The following ADGRL2 variants were observed in gnomAD, a reference collection of about 807,000 sequenced individuals.
The protein encoded by ADGRL2 is adhesion G protein-coupled receptor L2.
A neutral mutation model predicts 157.4 loss-of-function variants in ADGRL2; 44 were observed. That is an observed-to-expected ratio of 0.28 (90% CI 0.22 to 0.36). The LOEUF is 0.36. ADGRL2 is among the 10% of genes least tolerant of loss of function. ADGRL2 has a pLI of 1.00. For synonymous variants in ADGRL2, 585 were observed against 624.7 expected (o/e 0.94, Z 0.95); for missense variants, 1,510 against 1,768.9 (o/e 0.85, Z 2.63).
chr1:81,427,245 G>C, intron 1 of ADGRL2: 1 of 760,072 alleles, frequency 1.3e-6, no homozygotes, highest in Non-Finnish European at 2.4e-6. Flanking sequence ...GGAGGTGGTG[G>C]CAGCGGAAAT....
chr1:81,352,055 C>G (rs1461132054), intron 1 of ADGRL2, among the ~76,000 whole-genome samples: 1 of 152,204 alleles, frequency 6.6e-6, no homozygotes, highest in African/African-American at 2.4e-5. Context: ...AAAGGCACAG[C>G]CTCAATAGGT....
intron 6 of ADGRL2, among the ~76,000 whole-genome samples, chr1:81,946,975 A>G (rs987218339): frequency 2.0e-5 from 3 of 152,176 alleles, no homozygotes; most frequent in African/African-American, 7.2e-5. Context: ...TTCTTAGTAC[A>G]TAACCAGAGT....
chr1:81,695,775 A>G (rs2083430178), upstream of ADGRL2, among the ~76,000 whole-genome samples: 1 of 150,908 alleles, frequency 6.6e-6, no homozygotes, highest in Admixed American at 6.6e-5. Context: ...GAGCCGAGAG[A>G]TTATGCCACT....
At chr1:81,711,733 T>C (rs2083937023) in intron 1 of ADGRL2, among the ~76,000 whole-genome samples, 1 of 152,196 alleles carries the variant, frequency 6.6e-6, no homozygotes, top group Non-Finnish European at 1.5e-5. Context: ...TCATTGCAAA[T>C]GTCAACAGAG....
chr1:81,369,787 A>G lies in ADGRL2; in HGVS notation c.-302+63278A>G, dbSNP rs910133352. Among the ~76,000 whole-genome samples the G allele has an allele frequency of 4.6e-5, 7 of 152,208 alleles. No individual in the cohort carries two copies. The East Asian group carries it at 9.6e-4, about 21-fold the overall frequency. ...CAAGGCATCATTGAATTTGAGCATT[A>G]ATTTGCATGAAGCACTTGTAATCGT... On this transcript the variant is annotated intron_variant, in intron 1 of 24. Coordinates refer to the ADGRL2 transcript ENST00000370721.
chr1:81,784,099 T>A (rs937503922), intron 2 of ADGRL2, among the ~76,000 whole-genome samples: 1 of 152,226 alleles, frequency 6.6e-6, no homozygotes, highest in Non-Finnish European at 1.5e-5. Flanking sequence ...TCTAAGCTTT[T>A]AAGTTATGTT....
chr1:81,853,482 T>C (rs2093090491), intron 2 of ADGRL2, among the ~76,000 whole-genome samples: 1 of 152,226 alleles, frequency 6.6e-6, no homozygotes, highest in South Asian at 2.1e-4. Context: ...TGCTTGTCAG[T>C]AGTTTGTTGG....
At chr1:81,911,937 G>A (rs1271291325) in intron 3 of ADGRL2, among the ~76,000 whole-genome samples, 4 of 146,958 alleles carry the variant, frequency 2.7e-5, no homozygotes, top group African/African-American at 1.0e-4. Context: ...GTAAGGTTAT[G>A]GCCTAGATTT....
At chr1:81,916,396 G>T (rs1455161203) in intron 3 of ADGRL2, among the ~76,000 whole-genome samples, 1 of 152,082 alleles carries the variant, frequency 6.6e-6, no homozygotes, top group African/African-American at 2.4e-5. Context: ...AGTTACAGTT[G>T]TAAAAAATAG....
chr1:81,488,504 C>A (rs181978753), intron 2 of ADGRL2, among the ~76,000 whole-genome samples: 1 of 149,086 alleles, frequency 6.7e-6, no homozygotes, highest in Non-Finnish European at 1.5e-5. Flanking sequence ...GTTTTGAAAC[C>A]AGCCTGTGCA....
chr1:81,784,635 C>T (rs575199415), intron 2 of ADGRL2, among the ~76,000 whole-genome samples: 10 of 149,482 alleles, frequency 6.7e-5, no homozygotes, highest in South Asian at 2.1e-4. Flanking sequence ...GGCTGAGGCA[C>T]GAGAATCACT....
At chr1:81,732,255 A>C (rs920409864) in intron 1 of ADGRL2, among the ~76,000 whole-genome samples, 1 of 152,222 alleles carries the variant, frequency 6.6e-6, no homozygotes, top group Non-Finnish European at 1.5e-5. Flanking sequence ...GTATTGCTGT[A>C]AAATCTCTAG....
At chr1:81,493,186 T>C (rs1271792909) in intron 2 of ADGRL2, among the ~76,000 whole-genome samples, 1 of 152,160 alleles carries the variant, frequency 6.6e-6, no homozygotes, top group Non-Finnish European at 1.5e-5. Flanking sequence ...AAAGAAATTA[T>C]CAAACAAATG....
intron 2 of ADGRL2, among the ~76,000 whole-genome samples, chr1:81,455,617 T>A (rs934082051): frequency 6.6e-6 from 1 of 152,200 alleles, no homozygotes; most frequent in Non-Finnish European, 1.5e-5. Context: ...GTTTTTTATT[T>A]TCTCCCTGTA....
Position 81,950,496 on chromosome 1 carries a change from A to G in ADGRL2, c.1504+14A>G, listed in dbSNP as rs757413125. 5.0e-6 allele frequency: 8 copies of G among 1,603,148 alleles called. No individual in the cohort carries two copies. The African/African-American group carries it at 9.4e-5, about 19-fold the overall frequency. On this transcript the variant is annotated intron_variant, in intron 7 of 23. Coordinates refer to ENST00000686636, the MANE Select transcript of ADGRL2 (RefSeq NM_001366006.2). ...AGGGAACAAGAGGTATTTTCTATAA[A>G]CTACCATGCATACATTTTTCAATTT...
chr1:81,326,832 A>G (rs529417862), intron 1 of ADGRL2, among the ~76,000 whole-genome samples: 2 of 152,338 alleles, frequency 1.3e-5, no homozygotes, highest in East Asian at 3.9e-4. Flanking sequence ...ACCGTCAGAA[A>G]TAATCAGATA....
At chr1:81,744,744 G>A (rs951290715) in intron 1 of ADGRL2, among the ~76,000 whole-genome samples, 1 of 152,078 alleles carries the variant, frequency 6.6e-6, no homozygotes, top group Non-Finnish European at 1.5e-5. Context: ...TGAAAATAGA[G>A]TGGAAGAACA....
At chr1:81,842,375 T>TTTAAA (rs1380656471) in intron 2 of ADGRL2, among the ~76,000 whole-genome samples, 1 of 139,252 alleles carries the variant, frequency 7.2e-6, no homozygotes, top group African/African-American at 3.0e-5. Flanking sequence ...TTTTTTTTTT[T>TTTAAA]AAGATGGAGT....
intron 3 of ADGRL2, among the ~76,000 whole-genome samples, chr1:81,687,533 C>T (rs2083253638): frequency 6.6e-6 from 1 of 152,042 alleles, no homozygotes; most frequent in Admixed American, 6.5e-5. Context: ...TATGTAAGTC[C>T]TTAAGTGTTA....
Sources: gnomAD v4.1 joint callset for allele counts (sites outside exome capture counted in the v4.1 genomes callset) on GRCh38, gnomAD v4.1.1 for gene constraint, MANE v1.5 for transcripts, NCBI Gene and HGNC (gene_info 2026-07-23, HGNC 2026-07-21) for gene names.